EXPH5: variants seen among roughly 807,000 people sequenced by gnomAD.
EXPH5 encodes the protein exophilin-5.
In EXPH5, 42 loss-of-function variants were observed where a neutral mutation model predicts 41.1. The ratio of observed to expected loss-of-function variants is 1.02; its 90% CI spans 0.80 to 1.32. The LOEUF (loss-of-function observed/expected upper bound fraction) is 1.32, where lower values mean the gene tolerates loss of function less well. EXPH5 is among the 40% of genes most tolerant of loss of function. The pLI is 0.00. For synonymous variants in EXPH5, 798 were observed against 833.5 expected (o/e 0.96, Z 0.73); for missense variants, 2,298 against 2,314.5 (o/e 0.99, Z 0.15).
rs1318179587 is a variant in EXPH5, at chr11:108,563,271, G to A, written c.120-21459C>T. On this transcript the variant is annotated intron_variant, in intron 1 of 5. Transcript: ENST00000265843. Reference sequence around the variant, plus strand: ...CTGGGGCCTGCCAGTTGCTTTGACTGCAGAATGAAGTGCATAGCTCAGCTG... The same window carrying A: ...CTGGGGCCTGCCAGTTGCTTTGACTACAGAATGAAGTGCATAGCTCAGCTG... Among the ~76,000 whole-genome samples, 5 of 152,314 alleles carry A rather than the reference G, an allele frequency of 3.3e-5. No homozygotes were observed. The East Asian group carries it at 9.6e-4, about 29-fold the overall frequency.
At chr11:108,561,288 G>A (rs984642452) in intron 1 of EXPH5, among the ~76,000 whole-genome samples, 1 of 152,132 alleles carries the variant, frequency 6.6e-6, no homozygotes, top group Admixed American at 6.5e-5. Flanking sequence ...CAACTATTTA[G>A]CTTTGATTCC....
the EXPH5 span, among the ~76,000 whole-genome samples, chr11:108,598,782 A>G: frequency 6.6e-6 from 1 of 152,176 alleles, no homozygotes. Flanking sequence ...GAGGGACATA[A>G]AAAAGGAGGT....
At position 108,512,621 on chromosome 11, in the gene EXPH5, A is replaced by G. The variant is rs763662852; in HGVS notation, c.2886T>C (p.His962=). ...TTTCATTCCTAAAAGGAGAGTGTGA[A>G]TGGCATTTGACATCAACCACTTCAT... is the stretch of plus-strand genomic sequence containing the variant. The part of the protein sequence containing the change: ...THDEVVDVKC[H]SHSPFRNERG... The change falls in exon 6 of 6, where the codon CAT becomes CAC. Residue 962 remains histidine (H), a synonymous_variant. Transcript: ENST00000265843. 6.2e-7 allele frequency: 1 copy of G among 1,613,780 alleles called. No individual in the cohort carries two copies. Among genetic ancestry groups the G allele is most frequent in the South Asian group, 1.1e-5 (1 of 90,906 alleles).
At chr11:108,568,308 C>T (rs910073963) in intron 1 of EXPH5, among the ~76,000 whole-genome samples, 2 of 152,066 alleles carry the variant, frequency 1.3e-5, no homozygotes, top group African/African-American at 4.8e-5. Context: ...TCCTCTGGCT[C>T]GCTGGGCACC....
At chr11:108,519,949 T>TAA (rs2093754255) in intron 4 of EXPH5, among the ~76,000 whole-genome samples, 1 of 20,374 alleles carries the variant, frequency 4.9e-5, no homozygotes, top group South Asian at 2.2e-3. Flanking sequence ...AGACTCTGTC[T>TAA]CAAAAAAAAA....
chr11:108,520,569 T>C (rs923718243), intron 4 of EXPH5, among the ~76,000 whole-genome samples: 1 of 152,030 alleles, frequency 6.6e-6, no homozygotes, highest in Non-Finnish European at 1.5e-5. Context: ...TTTATTCATT[T>C]ATTTATTTAT....
Position 108,513,649 on chromosome 11 carries a change from C to T in EXPH5, c.1858G>A (p.Ala620Thr). ...INKEASSFGI[A>T]QTLASSFKTS... is the part of the protein sequence containing the mutation. Reference sequence around the variant, plus strand: ...TTGAATGAGGATGCTAGAGTCTGAGCAATTCCAAATGAGGAAGCTTCTTTG... The same window carrying T: ...TTGAATGAGGATGCTAGAGTCTGAGTAATTCCAAATGAGGAAGCTTCTTTG... Residue 620 changes from alanine to threonine, a missense_variant, in exon 6 of 6, where the codon GCT (alanine) becomes ACT (threonine). Ala to Thr is a moderately conservative substitution (Grantham distance 58). Transcript: ENST00000265843. 2 of 1,611,544 alleles carry T rather than the reference C, an allele frequency of 1.2e-6. No individual in the cohort carries two copies. The highest frequency in any genetic ancestry group is 1.7e-6 in the Non-Finnish European group (2 of 1,179,072).
intron 1 of EXPH5, among the ~76,000 whole-genome samples, chr11:108,563,352 G>A (rs572218621): frequency 1.3e-5 from 2 of 152,196 alleles, no homozygotes; most frequent in Non-Finnish European, 2.9e-5. Context: ...ACTGTGTCCC[G>A]TGGAGAAGAT....
intron 1 of EXPH5, among the ~76,000 whole-genome samples, chr11:108,587,336 T>C (rs2094116213): frequency 6.6e-6 from 1 of 152,226 alleles, no homozygotes; most frequent in Non-Finnish European, 1.5e-5. Context: ...GGAATGAAAG[T>C]ATTTTCTGAC....
rs2093643555 is a variant in EXPH5, at chr11:108,506,248, T to C, written c.*3289A>G. 1.3e-5 allele frequency: 2 copies of C among 152,192 alleles called. No homozygotes were observed. The highest frequency in any genetic ancestry group is 2.4e-5 in the African/African-American group (1 of 41,458). 9.4% of individuals were successfully genotyped at this position (152,192 alleles called of 1,614,324 possible). On this transcript the variant is annotated 3_prime_UTR_variant, in exon 6 of 6. Coordinates refer to ENST00000265843, the MANE Select transcript of EXPH5 (RefSeq NM_015065.3). ...ATGAACATTAAAATGCAGCGACTTG[T>C]ATGTTAAAATACATAGAAATTTGCT...
intron 1 of EXPH5, among the ~76,000 whole-genome samples, chr11:108,582,462 T>A (rs1267629445): frequency 3.9e-4 from 59 of 149,616 alleles, no homozygotes; most frequent in African/African-American, 1.4e-3. Flanking sequence ...TGAGACCCTG[T>A]CACAAAGAAA....
chr11:108,532,247 G>A (rs1211974703), intron 3 of EXPH5, among the ~76,000 whole-genome samples: 1 of 141,800 alleles, frequency 7.1e-6, no homozygotes, highest in Non-Finnish European at 1.5e-5. Flanking sequence ...GCATGATCAT[G>A]GCTCACTGCA....
At position 108,510,200 on chromosome 11, in the gene EXPH5, T is replaced by C. The variant is rs759328249; in HGVS notation, c.5307A>G (p.Pro1769=). 2 of 1,614,068 alleles carry C rather than the reference T, an allele frequency of 1.2e-6. No individual in the cohort carries two copies. The highest frequency in any genetic ancestry group is 2.2e-5 in the South Asian group (2 of 91,056). The change falls in exon 6 of 6, where the codon CCA becomes CCG. Residue 1769 remains proline (P), a synonymous_variant. Coordinates refer to ENST00000265843, the MANE Select transcript of EXPH5 (RefSeq NM_015065.3). ...TTTGTTGCTGCAGAAAACTGGCCAG[T>C]GGACTGCTTACTCTAGATTTCTGTG... ...EPAQKSRVSS[P]LASFLQQQRS...
chr11:108,517,263 T>C (rs2093732497), intron 5 of EXPH5, among the ~76,000 whole-genome samples: 1 of 152,202 alleles, frequency 6.6e-6, no homozygotes, highest in Non-Finnish European at 1.5e-5. Flanking sequence ...ACATTATTAT[T>C]ATTTTTTCAT....
In EXPH5 at chr11:108,528,148, C is replaced by T. The variant is rs1305935835; in HGVS notation, c.480G>A (p.Arg160=). ...TCTGGTTACTTACCACAGCAGCTCC[C>T]CTCACAGGCATAGGAGGTCCTGCAT... ...DGHAGPPMPV[R]GAAVQAKIYN... is the part of the protein sequence containing the mutation. Residue 160 remains arginine, a synonymous_variant, in exon 4 of 6, where the codon AGG becomes AGA. Coordinates refer to ENST00000265843, the MANE Select transcript of EXPH5 (RefSeq NM_015065.3). 3 of 1,610,062 alleles carry T rather than the reference C, an allele frequency of 1.9e-6. No homozygotes were observed. The highest frequency in any genetic ancestry group is 3.3e-5 in the Admixed American group (2 of 59,982).
At position 108,513,032 on chromosome 11, in the gene EXPH5, T is replaced by C; in HGVS notation, c.2475A>G (p.Thr825=). Residue 825 remains threonine (T), a synonymous_variant, in exon 6 of 6, where the codon ACA becomes ACG. Transcript: ENST00000265843. The stretch of plus-strand genomic sequence containing the variant: ...TTAATTCCTGGTGACAACCTTGGTC[T>C]GTCCTGGGGAAAGATGGTGGTGTTC... ...EHRTPPSFPR[T]DQGCHQELTV... 3 of 1,613,826 alleles carry C rather than the reference T, an allele frequency of 1.9e-6. No homozygotes were observed. Among genetic ancestry groups the C allele is most frequent in the Non-Finnish European group, 2.5e-6 (3 of 1,179,936 alleles).
chr11:108,548,793 A>G (rs567139873), intron 1 of EXPH5, among the ~76,000 whole-genome samples: 17 of 152,316 alleles, frequency 1.1e-4, no homozygotes, highest in African/African-American at 3.6e-4. Context: ...AAGGAGCAAA[A>G]CAATTATAAA....
At chr11:108,599,123 T>C in the EXPH5 span, among the ~76,000 whole-genome samples, 1 of 152,158 alleles carries the variant, frequency 6.6e-6, no homozygotes, top group Admixed American at 6.5e-5. Context: ...GCTTCTGGGA[T>C]AATAAAATGA....
At chr11:108,539,769 A>G (rs2640786) in intron 2 of EXPH5, among the ~76,000 whole-genome samples, 26,811 of 151,866 alleles carry the variant, frequency 0.18, 3,467 homozygotes, top group East Asian at 0.61. Context: ...AAATCCAAAA[A>G]AATTTGAGCA....
Sources: allele counts gnomAD v4.1 joint callset (sites outside exome capture counted in the v4.1 genomes callset), GRCh38; gene constraint gnomAD v4.1.1; transcripts MANE v1.5; gene names NCBI Gene and HGNC (gene_info 2026-07-23, HGNC 2026-07-21).